NAALADL2: variants seen among roughly 807,000 people sequenced by gnomAD.
The protein encoded by NAALADL2 is inactive N-acetylated-alpha-linked acidic dipeptidase-like protein 2.
Under a neutral mutation model 87.2 loss-of-function variants are expected in NAALADL2, and 76 were observed. The ratio of observed to expected loss-of-function variants is 0.87; its 90% CI spans 0.72 to 1.05. The LOEUF is 1.05. NAALADL2 is among the 50% of genes least tolerant of loss of function. The pLI is 0.00. For synonymous variants in NAALADL2, 354 were observed against 331.0 expected, an observed-to-expected ratio of 1.07 and a Z score of -0.75; for missense variants, 1,089 against 945.8, an observed-to-expected ratio of 1.15 and a Z score of -1.99.
rs565420292 is a variant in NAALADL2 at position 174,953,643 on chromosome 3, T to C, written c.43+94193T>C. 2.4e-4 allele frequency among the ~76,000 whole-genome samples: 37 copies of C among 151,988 alleles called. No individual in the cohort carries two copies. In the South Asian group the frequency reaches 6.9e-3, roughly 28 times the overall value. On this transcript the variant is annotated intron_variant, in intron 1 of 13. Coordinates refer to ENST00000454872, the MANE Select transcript of NAALADL2 (RefSeq NM_207015.3). Reference sequence around the variant, plus strand: ...ATATACACAGATAGTTGATGCACGGTGTCTATTCCCTTGGGCTGTGGCTGA... The same window carrying C: ...ATATACACAGATAGTTGATGCACGGCGTCTATTCCCTTGGGCTGTGGCTGA...
chr3:175,259,695 T>A (rs1398142612), intron 4 of NAALADL2, among the ~76,000 whole-genome samples: 1 of 152,218 alleles, frequency 6.6e-6, no homozygotes, highest in Non-Finnish European at 1.5e-5. Flanking sequence ...GTGTATTTAT[T>A]TTGTATACAG....
chr3:174,517,891 T>A (rs567677891), intron 1 of NAALADL2, among the ~76,000 whole-genome samples: 9 of 152,264 alleles, frequency 5.9e-5, no homozygotes, highest in Admixed American at 5.9e-4. Context: ...ATGTCATTTT[T>A]AAAAATTAAG....
At chr3:174,861,548 T>C (rs900147461) in intron 1 of NAALADL2, among the ~76,000 whole-genome samples, 1 of 152,130 alleles carries the variant, frequency 6.6e-6, no homozygotes, top group African/African-American at 2.4e-5. Context: ...GGATGTTCTT[T>C]AGTGGAAATA....
chr3:175,724,122 CTCA>C (rs1305571102), intron 11 of NAALADL2, among the ~76,000 whole-genome samples: 1 of 152,092 alleles, frequency 6.6e-6, no homozygotes, highest in Non-Finnish European at 1.5e-5. Context: ...TTATAAGCAT[CTCA>C]TCAAGATAAA....
chr3:174,772,623 A>G (rs1479766505), intron 3 of NAALADL2, among the ~76,000 whole-genome samples: 1 of 152,192 alleles, frequency 6.6e-6, no homozygotes, highest in Non-Finnish European at 1.5e-5. Flanking sequence ...TTAAAACATC[A>G]TAATAACTCT....
At chr3:175,637,500 C>A (rs904923769) in intron 11 of NAALADL2, among the ~76,000 whole-genome samples, 1 of 152,178 alleles carries the variant, frequency 6.6e-6, no homozygotes, top group South Asian at 2.1e-4. Context: ...GCGGATCCCT[C>A]ATAAATGGCT....
intron 1 of NAALADL2, among the ~76,000 whole-genome samples, chr3:174,497,502 T>A (rs1429434123): frequency 1.3e-5 from 2 of 152,144 alleles, no homozygotes; most frequent in Non-Finnish European, 2.9e-5. Context: ...TTTCATTACT[T>A]ATCCTTTATT....
intron 2 of NAALADL2, chr3:175,217,966 A>T (rs1742806650): frequency 3.8e-6 from 1 of 259,882 alleles, no homozygotes; most frequent in South Asian, 3.9e-5. Flanking sequence ...GCAGTGGGAC[A>T]TGAATAGATA....
At chr3:175,467,227 A>C (rs757665126) in intron 8 of NAALADL2, 43 bp downstream of exon 8, 6 of 1,515,342 alleles carry the variant, frequency 4.0e-6, no homozygotes, top group South Asian at 1.2e-5. Flanking sequence ...TTCTTTTCTT[A>C]GTTTGCTAAA....
At chr3:175,426,496 A>G (rs1448382252) in intron 5 of NAALADL2, among the ~76,000 whole-genome samples, 2 of 152,204 alleles carry the variant, frequency 1.3e-5, no homozygotes, top group Admixed American at 1.3e-4. Flanking sequence ...TATAGAATCA[A>G]TGCCACACAC....
At chr3:174,654,102 T>TGTGTGTG (rs1161902017) in intron 2 of NAALADL2, among the ~76,000 whole-genome samples, 2 of 137,038 alleles carry the variant, frequency 1.5e-5, no homozygotes, top group African/African-American at 5.9e-5. Context: ...GTGTGTGTGT[T>TGTGTGTG]AGAAATGTGG....
At chr3:175,183,538 A>G (rs1264746639) in intron 2 of NAALADL2, among the ~76,000 whole-genome samples, 1 of 152,026 alleles carries the variant, frequency 6.6e-6, no homozygotes, top group African/African-American at 2.4e-5. Context: ...GAGGGTGTTT[A>G]TCATAAAAGG....
intron 1 of NAALADL2, among the ~76,000 whole-genome samples, chr3:174,931,972 T>A (rs949469124): frequency 2.0e-5 from 3 of 152,226 alleles, no homozygotes; most frequent in African/African-American, 7.2e-5. Flanking sequence ...TCAAATAACT[T>A]CAACAATTTT....
chr3:175,261,841 A>G (rs948431308), intron 4 of NAALADL2, among the ~76,000 whole-genome samples: 2 of 152,202 alleles, frequency 1.3e-5, no homozygotes, highest in East Asian at 1.9e-4. Context: ...TGACATCTAC[A>G]TATTGTTGTC....
At chr3:175,132,592 G>A (rs544690658) in intron 2 of NAALADL2, among the ~76,000 whole-genome samples, 3 of 108,174 alleles carry the variant, frequency 2.8e-5, no homozygotes, top group Admixed American at 1.8e-4. Context: ...CAGACGGGGC[G>A]GCTGGCCGGG....
intron 2 of NAALADL2, among the ~76,000 whole-genome samples, chr3:175,174,722 A>G (rs1388142768): frequency 1.3e-5 from 2 of 152,024 alleles, no homozygotes; most frequent in African/African-American, 4.8e-5. Flanking sequence ...ATTGTGTTTG[A>G]AAACCATGAT....
At chr3:175,618,324 G>A (rs1725642902) in intron 10 of NAALADL2, among the ~76,000 whole-genome samples, 1 of 152,072 alleles carries the variant, frequency 6.6e-6, no homozygotes, top group Non-Finnish European at 1.5e-5. Context: ...CCTGAAACGA[G>A]GATTTCTAGG....
chr3:175,734,283 G>A (rs1039304803), intron 11 of NAALADL2, among the ~76,000 whole-genome samples: 7 of 152,044 alleles, frequency 4.6e-5, no homozygotes, highest in East Asian at 1.9e-4. Context: ...GGCTGGGCGC[G>A]GTGGCTCACA....
intron 2 of NAALADL2, among the ~76,000 whole-genome samples, chr3:174,661,498 T>G (rs1478110893): frequency 1.3e-5 from 2 of 152,146 alleles, no homozygotes; most frequent in Non-Finnish European, 2.9e-5. Context: ...AGGACATATG[T>G]AAATATTGGG....
Sources: gnomAD v4.1 joint callset for allele counts (sites outside exome capture counted in the v4.1 genomes callset) on GRCh38, gnomAD v4.1.1 for gene constraint, MANE v1.5 for transcripts, NCBI Gene and HGNC (gene_info 2026-07-23, HGNC 2026-07-21) for gene names.